The following PRH1 variants were observed in gnomAD, a reference collection of about 807,000 sequenced individuals.
PRH1 encodes proline rich protein HaeIII subfamily 1, also known as salivary acidic proline-rich phosphoprotein 1/2.
Under a neutral mutation model 7.9 loss-of-function variants are expected in PRH1, and 7 were observed. The ratio of observed to expected loss-of-function variants is 0.89; its 90% CI spans 0.50 to 1.67. The LOEUF is 1.67. PRH1 is among the 40% of genes most tolerant of loss of function. The pLI is 0.00. For missense variants in PRH1, 109 were observed against 223.6 expected, an observed-to-expected ratio of 0.49 and a Z score of 3.27; for synonymous variants, 45 against 80.8, an observed-to-expected ratio of 0.56 and a Z score of 2.38.
In PRH1 at chr12:11,099,887, G is replaced by C. The variant is rs1054587521; in HGVS notation, n.124-52699C>G. Among the ~76,000 whole-genome samples, 7 of 152,164 alleles carry C rather than the reference G, an allele frequency of 4.6e-5. 1 individual carries two copies. The highest frequency in any genetic ancestry group is 1.4e-4 in the African/African-American group (6 of 41,430). On this transcript the variant is annotated intron_variant and non_coding_transcript_variant, in intron 1 of 4. Transcript: ENST00000541977. The stretch of plus-strand genomic sequence containing the variant: ...GAGGAGCCGAAAGAAAAAGTAGATG[G>C]GGAATGGCAAAGGTTTGTCCTGTGA...
At chr12:11,069,517 A>G (rs1943971146) in intron 1 of PRH1, among the ~76,000 whole-genome samples, 1 of 151,938 alleles carries the variant, frequency 6.6e-6, no homozygotes, top group South Asian at 2.1e-4. Flanking sequence ...GAACAAAGAT[A>G]AAATCAGGAA....
In PRH1 at chr12:11,059,284, G is replaced by A. The variant is rs569569500; in HGVS notation, n.124-12096C>T. ...GTCATGCTGTCTCTCTCACCTCACT[G>A]TGAAGTGGCTGCCAGCAGAGCCATA... On this transcript the variant is annotated intron_variant and non_coding_transcript_variant, in intron 1 of 4. Coordinates refer to the PRH1 transcript ENST00000541977. Among the ~76,000 whole-genome samples, 33 of 151,290 alleles carry A rather than the reference G, an allele frequency of 2.2e-4. No homozygotes were observed. The East Asian group carries it at 3.3e-3, about 15-fold the overall frequency.
chr12:11,031,197 T>A (rs749674574), intron 1 of PRH1: 2 of 1,614,156 alleles, frequency 1.2e-6, no homozygotes, highest in Non-Finnish European at 8.5e-7. Context: ...GCAGTGAGAA[T>A]CTGGTCAGCA....
At chr12:10,951,107 A>G (rs1307028847) in intron 2 of PRH1, among the ~76,000 whole-genome samples, 1 of 152,198 alleles carries the variant, frequency 6.6e-6, no homozygotes, top group East Asian at 1.9e-4. Flanking sequence ...GTAATTTTCA[A>G]AACGGCTCAA....
At chr12:10,916,171 A>G (rs555404089) in intron 2 of PRH1, among the ~76,000 whole-genome samples, 13 of 152,176 alleles carry the variant, frequency 8.5e-5, no homozygotes, top group Non-Finnish European at 1.5e-4. Flanking sequence ...TTATAAAACC[A>G]TCAGATCTCA....
intron 1 of PRH1, among the ~76,000 whole-genome samples, chr12:11,096,421 G>A (rs1282842708): frequency 1.7e-5 from 2 of 114,740 alleles, no homozygotes; most frequent in African/African-American, 5.9e-5. Context: ...TATATAAATC[G>A]TTTTCTAACG....
intron 1 of PRH1, chr12:11,133,106 T>G (rs1469984546): frequency 7.4e-6 from 5 of 678,774 alleles, no homozygotes; most frequent in Admixed American, 4.1e-5. Flanking sequence ...TTGTCAATGT[T>G]CTTCAGTTTT....
chr12:11,116,327 T>C (rs907920142), downstream of PRH1, among the ~76,000 whole-genome samples: 1 of 151,808 alleles, frequency 6.6e-6, no homozygotes, highest in Non-Finnish European at 1.5e-5. Context: ...CCTACAAAGA[T>C]TGAACCATGA....
chr12:11,098,835 G>A (rs1049633991), intron 1 of PRH1, among the ~76,000 whole-genome samples: 74 of 152,038 alleles, frequency 4.9e-4, no homozygotes, highest in Non-Finnish European at 7.9e-4. Context: ...ACAAATACAC[G>A]CATGTGCACA....
At chr12:11,140,935 A>C (rs573092876) in intron 1 of PRH1, among the ~76,000 whole-genome samples, 33 of 152,260 alleles carry the variant, frequency 2.2e-4, no homozygotes, top group African/African-American at 7.7e-4. Flanking sequence ...TTTCCTACCA[A>C]AAGCATTCAA....
chr12:11,063,307 A>C (rs757561302), intron 1 of PRH1, among the ~76,000 whole-genome samples: 1 of 152,078 alleles, frequency 6.6e-6, no homozygotes, highest in Non-Finnish European at 1.5e-5. Flanking sequence ...GCTTTGATAA[A>C]CAGAAAATTA....
At chr12:10,999,639 GT>G (rs1940486255) in intron 1 of PRH1, among the ~76,000 whole-genome samples, 1 of 151,996 alleles carries the variant, frequency 6.6e-6, no homozygotes, top group Non-Finnish European at 1.5e-5. Context: ...AACAGACTAG[GT>G]CCACTTCCAG....
In PRH1 at chr12:11,031,347, C is replaced by CA. The variant is rs552840755; in HGVS notation, c.-126+15672dup. ...ATAAAAGTTGTCATGTCTGAACAGA[C>CA]AAAAAAAAATTGTTTTAATGCTGGT... On this transcript the variant is annotated intron_variant, in intron 1 of 3. Transcript: ENST00000539853. 1,016 of 1,594,384 alleles carry CA rather than the reference C, an allele frequency of 6.4e-4. 1 individual carries two copies. Among genetic ancestry groups the CA allele is most frequent in the African/African-American group, 8.0e-4 (59 of 73,372 alleles).
intron 1 of PRH1, among the ~76,000 whole-genome samples, chr12:11,009,218 A>G (rs28414974): frequency 0.3 from 46,123 of 151,614 alleles, 8,869 homozygotes; most frequent in East Asian, 0.74. Flanking sequence ...CACACTGAAG[A>G]TATGATTCCA....
intron 1 of PRH1, among the ~76,000 whole-genome samples, chr12:11,069,128 G>A (rs192745435): frequency 7.4e-5 from 11 of 149,284 alleles, no homozygotes; most frequent in Admixed American, 6.7e-4. Context: ...ATGTTTCCTA[G>A]GTTGGTCTCC....
chr12:10,965,409 C>A, intron 2 of PRH1: 1 of 697,022 alleles, frequency 1.4e-6, no homozygotes, highest in South Asian at 1.9e-5. Context: ...GGCTGTGATC[C>A]TTTAATATCC....
intron 1 of PRH1, among the ~76,000 whole-genome samples, chr12:11,040,139 T>C (rs757880798): frequency 2.6e-5 from 4 of 152,260 alleles, no homozygotes; most frequent in Non-Finnish European, 4.4e-5. Context: ...GAGTTCTTTG[T>C]ATATGAATAT....
At chr12:11,118,562 G>A (rs2600372), downstream of PRH1, among the ~76,000 whole-genome samples, 69,185 of 151,994 alleles carry the variant, frequency 0.46, 16,557 homozygotes, top group Non-Finnish European at 0.53. Context: ...CAGCAATCTC[G>A]CTGGTGGGTA....
chr12:11,118,735 C>T (rs191859111), downstream of PRH1, among the ~76,000 whole-genome samples: 28 of 152,144 alleles, frequency 1.8e-4, no homozygotes, highest in South Asian at 1.9e-3. Flanking sequence ...TGGCTGACAC[C>T]GGTAATCCCA....
Sources: gnomAD v4.1 joint callset for allele counts (sites outside exome capture counted in the v4.1 genomes callset) on GRCh38, gnomAD v4.1.1 for gene constraint, MANE v1.5 for transcripts, NCBI Gene and HGNC (gene_info 2026-07-23, HGNC 2026-07-21) for gene names.